DICER1: variants seen among roughly 807,000 people sequenced by gnomAD.
The protein encoded by DICER1 is endoribonuclease Dicer.
DICER1 carries 43 observed loss-of-function variants against 194.1 expected under a neutral mutation model. The ratio of observed to expected loss-of-function variants is 0.22; its 90% confidence interval spans 0.17 to 0.29. DICER1 has a LOEUF of 0.29. DICER1 is among the 10% of genes least tolerant of loss of function. The pLI, the probability that DICER1 is intolerant of heterozygous loss-of-function variation, is 1.00. For missense variants in DICER1, 1,608 were observed against 2,317.0 expected (o/e 0.69, Z 6.28); for synonymous variants, 832 against 820.5 (o/e 1.01, Z -0.24).
At chr14:95,103,309 A>T in intron 21 of DICER1, 37 bp downstream of exon 21, 1 of 1,600,016 alleles carries the variant, frequency 6.2e-7, no homozygotes, top group East Asian at 2.2e-5. Context: ...GGCACACTGA[A>T]TAATTAACTG....
chr14:95,112,149 A>T, intron 13 of DICER1, 23 bp downstream of exon 13: 1 of 1,600,378 alleles, frequency 6.2e-7, no homozygotes, highest in Non-Finnish European at 8.6e-7. Context: ...TTTCATTCGT[A>T]TATGCTTTTC....
In DICER1 at chr14:95,124,547, C is replaced by T. The variant is rs2140206595; in HGVS notation, c.1025G>A (p.Arg342Lys). The change falls in exon 8 of 27, where the codon AGG becomes AAG. Residue 342 changes from arginine to lysine, a missense_variant. Physicochemically the swap from Arg to Lys is conservative, Grantham distance 26 (BLOSUM62 2). Coordinates refer to ENST00000343455, the MANE Select transcript of DICER1 (RefSeq NM_177438.3). This position sits in a 1 kb window ranked among gnomAD's most constrained non-coding sequence, Gnocchi z 4.5. The part of the protein sequence containing the change: ...YIKHEQEELH[R>K]KFLLFTDTFL... ...AGTGTCTGTAAACAATAAAAATTTC[C>T]TGTGCAGCTCCTCTTGCTCATGTTT... is the stretch of plus-strand genomic sequence containing the variant. 2 of 1,613,908 alleles carry T rather than the reference C, an allele frequency of 1.2e-6. No homozygotes were observed. Among genetic ancestry groups the T allele is most frequent in the Non-Finnish European group, 1.7e-6 (2 of 1,180,016 alleles).
intron 6 of DICER1, among the ~76,000 whole-genome samples, chr14:95,128,333 C>A (rs1179392687): frequency 6.6e-6 from 1 of 152,224 alleles, no homozygotes; most frequent in East Asian, 1.9e-4. Flanking sequence ...ACTACTTCTA[C>A]TTCTCAGAAA....
chr14:95,119,044 T>C (rs538964994), intron 8 of DICER1, among the ~76,000 whole-genome samples: 1 of 152,322 alleles, frequency 6.6e-6, no homozygotes, highest in South Asian at 2.1e-4. Context: ...CAGAAAGCAG[T>C]GTTACATGCA....
intron 1 of DICER1, among the ~76,000 whole-genome samples, chr14:95,150,923 G>A (rs1053678406): frequency 2.0e-5 from 3 of 152,146 alleles, no homozygotes; most frequent in Non-Finnish European, 4.4e-5. Context: ...GAGTGCAGTG[G>A]CACAATTATA....
intron 1 of DICER1, among the ~76,000 whole-genome samples, chr14:95,136,010 G>T (rs761526000): frequency 1.3e-5 from 2 of 151,692 alleles, no homozygotes; most frequent in Non-Finnish European, 2.9e-5. Context: ...AATATACACT[G>T]AAGTATTTAG....
At chr14:95,131,905 ACCCTCCTGTTTTC>A (rs1389476660) in intron 3 of DICER1, among the ~76,000 whole-genome samples, 2 of 152,134 alleles carry the variant, frequency 1.3e-5, no homozygotes, top group Non-Finnish European at 2.9e-5. Flanking sequence ...CCTCTAAGCC[ACCCTCCTGTTTTC>A]TTCAATAAAA....
At chr14:95,108,256 AGTT>A (rs981616895) in intron 15 of DICER1, 65 bp downstream of exon 15, 136 of 1,272,392 alleles carry the variant, frequency 1.1e-4, no homozygotes, top group Non-Finnish European at 1.5e-4. Context: ...ACTTACTACT[AGTT>A]TTTTTTTTTT....
intron 21 of DICER1, 68 bp downstream of exon 21, chr14:95,103,278 C>G (rs556008571): frequency 6.6e-7 from 1 of 1,518,208 alleles, no homozygotes; most frequent in Admixed American, 1.7e-5. Flanking sequence ...TGAGATTATC[C>G]AACACTGCAA....
rs755199154 is a variant in DICER1, at chr14:95,106,124, A to G, written c.2904T>C (p.Phe968=). The G allele has an allele frequency of 6.2e-6, 10 of 1,614,088 alleles. No individual in the cohort carries two copies. The highest frequency in any genetic ancestry group is 8.5e-6 in the Non-Finnish European group (10 of 1,180,014). Residue 968 remains phenylalanine, a synonymous_variant, in exon 18 of 27, where the codon TTT becomes TTC. Coordinates refer to ENST00000343455, the MANE Select transcript of DICER1 (RefSeq NM_177438.3). ...SKFPSPEYET[F]AEYYKTKYNL... ...TGTACTTTGTTTTATAATATTCTGC[A>G]AAAGTTTCATACTCAGGGGAAGGAA... is the stretch of plus-strand genomic sequence containing the variant.
chr14:95,111,702 T>G (rs1032357223), intron 13 of DICER1, among the ~76,000 whole-genome samples: 4 of 149,492 alleles, frequency 2.7e-5, no homozygotes, highest in African/African-American at 9.9e-5. Context: ...CATCTAAACA[T>G]GACATCACCA....
chr14:95,098,435 A>G (rs1367007609), intron 22 of DICER1, among the ~76,000 whole-genome samples: 1 of 152,228 alleles, frequency 6.6e-6, no homozygotes, highest in Non-Finnish European at 1.5e-5. Flanking sequence ...GCAAGGGCCT[A>G]TATTTCAATA....
chr14:95,149,342 C>T (rs1340356194), intron 1 of DICER1, among the ~76,000 whole-genome samples: 1 of 152,174 alleles, frequency 6.6e-6, no homozygotes, highest in South Asian at 2.1e-4. Context: ...AAGAGTGTGA[C>T]GCACTACATC....
rs767605412 is a variant in DICER1 at position 95,126,748 on chromosome 14, C to T, written c.735G>A (p.Arg245=). ...CAATCTCACATGGCTGAGAAGTATA[C>T]CTTTAACATAAGAAACAAAAGGTAT... is the stretch of plus-strand genomic sequence containing the variant. ...ETATDLVVLD[R]YTSQPCEIVV... The change falls in exon 7 of 27, where the codon AGG becomes AGA. Residue 245 remains arginine (R), a splice_region_variant and synonymous_variant. Transcript: ENST00000343455. 2.5e-6 allele frequency: 4 copies of T among 1,601,964 alleles called. No homozygotes were observed. The highest frequency in any genetic ancestry group is 2.2e-5 in the South Asian group (2 of 90,826).
At chr14:95,123,403 A>C (rs557966865) in intron 8 of DICER1, among the ~76,000 whole-genome samples, 6 of 152,304 alleles carry the variant, frequency 3.9e-5, no homozygotes, top group South Asian at 2.1e-4. Context: ...CAATTGTTCT[A>C]AACTTTTTGC....
At position 95,093,474 on chromosome 14, in the gene DICER1, T is replaced by C. The variant is rs146064049; in HGVS notation, c.5364+414A>G. Among the ~76,000 whole-genome samples, 270 of 152,372 alleles carry C rather than the reference T, an allele frequency of 1.8e-3. 1 individual carries two copies. The highest frequency in any genetic ancestry group is 6.2e-3 in the African/African-American group (259 of 41,582). ...CAAGTAGAAGCAGAATGTATATTTA[T>C]GATGCTTCCCTGAGATATTAGCAAA... is the stretch of plus-strand genomic sequence containing the variant. On this transcript the variant is annotated intron_variant, in intron 24 of 26. Transcript: ENST00000343455.
At chr14:95,107,846 C>A in intron 16 of DICER1, 34 bp downstream of exon 16, 1 of 1,608,322 alleles carries the variant, frequency 6.2e-7, no homozygotes, top group South Asian at 1.1e-5. Context: ...GTATATGTGT[C>A]TAGAGTTATC....
intron 1 of DICER1, among the ~76,000 whole-genome samples, chr14:95,155,838 A>T (rs1167592448): frequency 6.6e-6 from 1 of 152,192 alleles, no homozygotes; most frequent in Admixed American, 6.5e-5. Flanking sequence ...ATTGAGTTTT[A>T]TGGAATATGC....
chr14:95,146,375 G>C (rs1895135548), intron 1 of DICER1, among the ~76,000 whole-genome samples: 1 of 152,068 alleles, frequency 6.6e-6, no homozygotes, highest in Non-Finnish European at 1.5e-5. Flanking sequence ...TTTGAGTGGT[G>C]CTTTTAACTT....
Sources: gnomAD v4.1 joint callset for allele counts (sites outside exome capture counted in the v4.1 genomes callset) on GRCh38, gnomAD v4.1.1 for gene constraint, Gnocchi (gnomAD v3.1) non-coding constraint, MANE v1.5 for transcripts, NCBI Gene and HGNC (gene_info 2026-07-23, HGNC 2026-07-21) for gene names.